Variants in ERC2 observed in about 807,000 individuals in gnomAD.
ERC2 encodes ELKS/RAB6-interacting/CAST family member 2, also known as ERC protein 2.
In ERC2, 42 loss-of-function variants were observed where a neutral mutation model predicts 114.8. That is an observed-to-expected ratio of 0.37 (90% CI 0.29 to 0.47). ERC2 has a LOEUF of 0.47. Among genes scored for constraint, ERC2 ranks in the 20% least tolerant of loss-of-function variants. The pLI is 0.99. For missense variants in ERC2, 939 were observed against 1,150.7 expected (o/e 0.82, Z 2.66); for synonymous variants, 454 against 425.5 (o/e 1.07, Z -0.82).
At chr3:56,451,155 T>C (rs2062813182) in intron 1 of ERC2, among the ~76,000 whole-genome samples, 1 of 152,158 alleles carries the variant, frequency 6.6e-6, no homozygotes, top group South Asian at 2.1e-4. Flanking sequence ...GGTCTTACAC[T>C]AAAAAATCTT....
In ERC2 at chr3:56,259,643, AGATTTGATAT is replaced by A. The variant is rs759877065; in HGVS notation, c.1074+36366_1074+36375del. Among the ~76,000 whole-genome samples the A allele has an allele frequency of 9.1e-3, 1,211 of 133,164 alleles. 12 individuals are homozygous for A. Among genetic ancestry groups the A allele is most frequent in the African/African-American group, 0.029 (1,038 of 36,314 alleles). The allele number at this position is 133,164 out of a possible 152,430, so 87.4% of individuals were successfully genotyped here. A position where few individuals can be genotyped will look rare whatever the true frequency, so the allele number is the denominator to read the frequency against. On this transcript the variant is annotated intron_variant, in intron 3 of 17. Transcript: ENST00000288221. ...TATTTATAGTATGTAATTCTGGTAC[AGATTTGATAT>A]GATATGATATGATATGATATGATAT... is the stretch of plus-strand genomic sequence containing the variant.
chr3:56,003,310 T>G (rs1370370231), intron 10 of ERC2, among the ~76,000 whole-genome samples: 1 of 152,152 alleles, frequency 6.6e-6, no homozygotes, highest in Non-Finnish European at 1.5e-5. Flanking sequence ...TCTAGGGAAA[T>G]ACAAATGTTG....
rs371849152 is a variant in ERC2 at position 55,734,815 on chromosome 3, G to C, written c.2668C>G (p.Leu890Val). Residue 890 changes from leucine to valine, a missense_variant, in exon 15 of 18, where the codon CTC becomes GTC. Transcript: ENST00000288221. ...ACTAGTCGGTCTTTTTCCCGCTTGA[G>C]GGCCATGACTTCTTCCTGCGTCTTT... ...KKKTQEEVMA[L>V]KREKDRLVHQ... 2 of 1,612,980 alleles carry C rather than the reference G, an allele frequency of 1.2e-6. No individual in the cohort carries two copies. The highest frequency in any genetic ancestry group is 2.7e-5 in the African/African-American group (2 of 74,854).
At chr3:56,083,194 T>G (rs530187449) in intron 6 of ERC2, among the ~76,000 whole-genome samples, 1 of 152,204 alleles carries the variant, frequency 6.6e-6, no homozygotes, top group African/African-American at 2.4e-5. Flanking sequence ...AATGGTGGTG[T>G]TTTTATATGG....
intron 14 of ERC2, among the ~76,000 whole-genome samples, chr3:55,747,058 T>C (rs1262030047): frequency 1.3e-5 from 2 of 152,196 alleles, no homozygotes; most frequent in Non-Finnish European, 1.5e-5. Context: ...GTTACATCTC[T>C]AATAATCTAT....
At chr3:55,738,128 T>C (rs569057281) in intron 14 of ERC2, among the ~76,000 whole-genome samples, 110 of 152,278 alleles carry the variant, frequency 7.2e-4, no homozygotes, top group African/African-American at 2.6e-3. Flanking sequence ...CAGAAGTCTC[T>C]TGTCATCTGC....
At chr3:56,011,612 C>T (rs2072944378) in intron 8 of ERC2, among the ~76,000 whole-genome samples, 1 of 150,966 alleles carries the variant, frequency 6.6e-6, no homozygotes, top group African/African-American at 2.4e-5. Flanking sequence ...CTTAAACACA[C>T]ACACACACAC....
At chr3:56,109,823 G>A (rs142589812) in intron 6 of ERC2, among the ~76,000 whole-genome samples, 1,613 of 152,208 alleles carry the variant, frequency 0.011, 15 homozygotes, top group Non-Finnish European at 0.016. Context: ...ACATCAAGGC[G>A]CAGAGAACAA....
At chr3:55,639,954 TAATAAGAAGGAG>T (rs1356873422) in intron 17 of ERC2, among the ~76,000 whole-genome samples, 1 of 151,334 alleles carries the variant, frequency 6.6e-6, no homozygotes, top group Non-Finnish European at 1.5e-5. Flanking sequence ...CCGTTGCCTC[TAATAAGAAGGAG>T]GCAGATCCAC....
chr3:55,641,080 A>C (rs938575738), intron 17 of ERC2, among the ~76,000 whole-genome samples: 3 of 152,188 alleles, frequency 2.0e-5, no homozygotes, highest in African/African-American at 4.8e-5. Context: ...TGGGGCTGTC[A>C]GCAGCTGTTT....
chr3:55,681,087 G>T (rs1002002657), intron 17 of ERC2, among the ~76,000 whole-genome samples: 1 of 152,048 alleles, frequency 6.6e-6, no homozygotes, highest in Admixed American at 6.6e-5. Context: ...CTAGCTCTAG[G>T]GGGTGTCAAA....
At chr3:55,644,729 T>C (rs897241423) in intron 17 of ERC2, among the ~76,000 whole-genome samples, 3 of 150,304 alleles carry the variant, frequency 2.0e-5, no homozygotes, top group Non-Finnish European at 3.0e-5. Flanking sequence ...GTTATTTATA[T>C]CTATGATCTA....
chr3:56,231,689 T>C (rs1031588418), intron 3 of ERC2, among the ~76,000 whole-genome samples: 9 of 152,280 alleles, frequency 5.9e-5, no homozygotes, highest in Admixed American at 3.9e-4. Context: ...TTTTGAGCCA[T>C]AGAGAACCAG....
At chr3:55,774,832 T>C (rs369934146) in intron 14 of ERC2, among the ~76,000 whole-genome samples, 48 of 152,326 alleles carry the variant, frequency 3.2e-4, no homozygotes, top group African/African-American at 1.2e-3. Context: ...TAATATTACC[T>C]AATTACTAAT....
chr3:55,691,849 C>T (rs1157067242), intron 16 of ERC2, among the ~76,000 whole-genome samples: 1 of 151,686 alleles, frequency 6.6e-6, no homozygotes, highest in Non-Finnish European at 1.5e-5. Context: ...AACGTATATT[C>T]AAACATGCAC....
chr3:56,449,380 G>A (rs573821994), intron 1 of ERC2, among the ~76,000 whole-genome samples: 104 of 152,312 alleles, frequency 6.8e-4, no homozygotes, highest in Non-Finnish European at 1.3e-3. Flanking sequence ...TTCCTCCAGT[G>A]GACGGTGCAG....
intron 7 of ERC2, among the ~76,000 whole-genome samples, chr3:56,033,207 CAG>C (rs962029441): frequency 2.6e-5 from 4 of 152,092 alleles, no homozygotes; most frequent in Non-Finnish European, 1.5e-5. Flanking sequence ...GCCTGGACAA[CAG>C]AGTGAGACCC....
At chr3:55,600,497 C>T (rs1196418392) in intron 17 of ERC2, among the ~76,000 whole-genome samples, 2 of 152,212 alleles carry the variant, frequency 1.3e-5, no homozygotes, top group Non-Finnish European at 2.9e-5. Context: ...ACATTCACGT[C>T]TGCCATCTTC....
At chr3:55,511,734 C>T (rs980746016) in intron 17 of ERC2, among the ~76,000 whole-genome samples, 12 of 152,176 alleles carry the variant, frequency 7.9e-5, no homozygotes, top group Admixed American at 7.9e-4. Flanking sequence ...GAGAACTTAG[C>T]ATGCACTTAA....
Sources: allele counts gnomAD v4.1 joint callset (sites outside exome capture counted in the v4.1 genomes callset), GRCh38; gene constraint gnomAD v4.1.1; transcripts MANE v1.5; gene names NCBI Gene and HGNC (gene_info 2026-07-23, HGNC 2026-07-21).